The following ECPAS variants were observed in gnomAD, a reference collection of about 807,000 sequenced individuals.
ECPAS encodes the protein proteasome adapter and scaffold protein ECM29.
A neutral mutation model predicts 255.1 loss-of-function variants in ECPAS; 70 were observed. That is an observed-to-expected ratio of 0.27 (90% CI 0.23 to 0.33). ECPAS has a LOEUF of 0.33. Among genes scored for constraint, ECPAS ranks in the 10% least tolerant of loss-of-function variants. The pLI is 1.00. For missense variants in ECPAS, 1,817 were observed against 2,206.4 expected (o/e 0.82, Z 3.54); for synonymous variants, 784 against 775.0 (o/e 1.01, Z -0.19).
chr9:111,425,342 T>C (rs2098219954), intron 12 of ECPAS, 76 bp downstream of exon 12: 4 of 957,804 alleles, frequency 4.2e-6, no homozygotes, highest in Non-Finnish European at 6.0e-6. Flanking sequence ...ACTAACTACA[T>C]TGACAGACCA....
intron 2 of ECPAS, among the ~76,000 whole-genome samples, chr9:111,463,302 C>CTG (rs2098275440): frequency 6.6e-6 from 1 of 152,184 alleles, no homozygotes; most frequent in Admixed American, 6.5e-5. Flanking sequence ...ATGTCTCTCA[C>CTG]TGTGTCCCCA....
intron 7 of ECPAS, 109 bp from the exon 8 acceptor site, chr9:111,433,481 A>G: frequency 9.1e-7 from 1 of 1,097,744 alleles, no homozygotes; most frequent in Non-Finnish European, 1.3e-6. Context: ...ATGAGCAGTA[A>G]CAACAGTAGC....
At chr9:111,438,442 C>T (rs772715059) in intron 6 of ECPAS, among the ~76,000 whole-genome samples, 4 of 133,496 alleles carry the variant, frequency 3.0e-5, no homozygotes, top group South Asian at 2.6e-4. Flanking sequence ...CCTATCTCTA[C>T]AAAAAATACA....
Position 111,484,227 on chromosome 9 carries a change from C to A in ECPAS, c.-194G>T. ...GCCCCGGGGAGCCGCGCGCCGCAGT[C>A]CGTGAGGGGCTGGGCCGAGCGGGCC... On this transcript the variant is annotated 5_prime_UTR_variant, in exon 1 of 50. Coordinates refer to ENST00000684092, the MANE Select transcript of ECPAS (RefSeq NM_001364929.1). 3 of 1,467,918 alleles carry A rather than the reference C, an allele frequency of 2.0e-6. No homozygotes were observed. Among genetic ancestry groups the A allele is most frequent in the Non-Finnish European group, 2.7e-6 (3 of 1,115,134 alleles). The allele number at this position is 1,467,918 out of a possible 1,614,324, so 90.9% of individuals were successfully genotyped here. A position where few individuals can be genotyped will look rare whatever the true frequency, so the allele number is the denominator to read the frequency against.
intron 2 of ECPAS, among the ~76,000 whole-genome samples, chr9:111,452,420 ATACTT>A (rs1402482041): frequency 6.6e-6 from 1 of 152,198 alleles, no homozygotes; most frequent in Non-Finnish European, 1.5e-5. Context: ...TGTATCTACT[ATACTT>A]CAATTTAAAA....
At chr9:111,436,856 G>T in intron 7 of ECPAS, 84 bp downstream of exon 7, 1 of 1,192,664 alleles carries the variant, frequency 8.4e-7, no homozygotes, top group Non-Finnish European at 1.2e-6. Flanking sequence ...GAATATACTA[G>T]AATTATGTTT....
rs570480549 is a variant in ECPAS at position 111,445,809 on chromosome 9, A to C, written c.154-1315T>G. Among the ~76,000 whole-genome samples the C allele has an allele frequency of 3.9e-3, 598 of 152,202 alleles. 6 individuals are homozygous for C. The highest frequency in any genetic ancestry group is 6.8e-3 in the Middle Eastern group (2 of 294). ...ATCATCTACATTAGGTATTTCTCCT[A>C]ATGGTATCCCTACCCCAGGCCCCAC... is the stretch of plus-strand genomic sequence containing the variant. On this transcript the variant is annotated intron_variant, in intron 3 of 49. Coordinates refer to ENST00000684092, the MANE Select transcript of ECPAS (RefSeq NM_001364929.1).
chr9:111,403,803 T>C (rs2098179836), intron 24 of ECPAS, among the ~76,000 whole-genome samples: 1 of 149,876 alleles, frequency 6.7e-6, no homozygotes, highest in Non-Finnish European at 1.5e-5. Flanking sequence ...TGCTATAGAA[T>C]ACACGTTTTC....
chr9:111,444,558 AT>A (rs2098250274), intron 3 of ECPAS, 64 bp from the exon 4 acceptor site: 2 of 1,103,928 alleles, frequency 1.8e-6, no homozygotes, highest in Non-Finnish European at 2.7e-6. Flanking sequence ...TCATCTTAAA[AT>A]TCATTTATCA....
chr9:111,382,745 T>C (rs1366954058), intron 35 of ECPAS, among the ~76,000 whole-genome samples: 1 of 152,228 alleles, frequency 6.6e-6, no homozygotes, highest in Non-Finnish European at 1.5e-5. Flanking sequence ...TAGACAGCAC[T>C]GTACTTTAAA....
intron 2 of ECPAS, among the ~76,000 whole-genome samples, chr9:111,464,127 G>A (rs994672129): frequency 4.6e-5 from 7 of 151,864 alleles, no homozygotes; most frequent in South Asian, 2.1e-4. Context: ...ATGTAACACC[G>A]TCCTAGAAAA....
At position 111,361,898 on chromosome 9, in the gene ECPAS, T is replaced by C; in HGVS notation, c.*132A>G. 1 of 1,104,016 alleles carries C rather than the reference T, an allele frequency of 9.1e-7. No homozygotes were observed. The highest frequency in any genetic ancestry group is 1.2e-6 in the Non-Finnish European group (1 of 804,374). The allele number at this position is 1,104,016 out of a possible 1,614,324, so 68.4% of individuals were successfully genotyped here. On this transcript the variant is annotated 3_prime_UTR_variant, in exon 50 of 50. Transcript: ENST00000684092. ...ATAAGGAACAAAATTTAAGGCTTTT[T>C]CTTTTTATTTCAGCCAAGGAATGAT...
Position 111,420,073 on chromosome 9 carries a change from C to T in ECPAS, c.1503G>A (p.Val501=), listed in dbSNP as rs16916080. The T allele has an allele frequency of 0.022, 36,006 of 1,612,584 alleles. 1,547 individuals are homozygous for T. Among genetic ancestry groups the T allele is most frequent in the African/African-American group, 0.15 (11,406 of 74,740 alleles). ...TGGAAGGGATATGATCTGAGGGAAA[C>T]ACCGTACTGGCAAATTTCACAGCCA... ...RQVAVKFAST[V]FPSDHIPSRY... Residue 501 remains valine, a synonymous_variant, in exon 16 of 50, where the codon GTG becomes GTA. Transcript: ENST00000684092.
intron 26 of ECPAS, 55 bp downstream of exon 26, chr9:111,394,105 G>C (rs934141525): frequency 6.7e-6 from 10 of 1,494,322 alleles, no homozygotes; most frequent in Non-Finnish European, 8.9e-6. Context: ...TGCTTTCCTT[G>C]CTACTTATAA....
In ECPAS at chr9:111,362,078, C is replaced by T; in HGVS notation, c.5472G>A (p.Leu1824=). ...ATMEPDSRPE[L]QEKAALLKKT... ...TCTTCAGTAACGCTGCTTTCTCCTG[C>T]AGTTCAGGTCTGCTGTCTGGCTCCA... is the stretch of plus-strand genomic sequence containing the variant. Residue 1824 remains leucine, a synonymous_variant, in exon 50 of 50, where the codon CTG becomes CTA. Transcript: ENST00000684092. 1.2e-6 allele frequency: 2 copies of T among 1,611,868 alleles called. No individual in the cohort carries two copies. The highest frequency in any genetic ancestry group is 8.5e-7 in the Non-Finnish European group (1 of 1,179,032).
intron 31 of ECPAS, among the ~76,000 whole-genome samples, 177 bp from the exon 32 acceptor site, chr9:111,386,633 A>G (rs1212082614): frequency 6.6e-6 from 1 of 152,172 alleles, no homozygotes; most frequent in African/African-American, 2.4e-5. Context: ...TTTGGTCACT[A>G]TAAAGCTGCC....
intron 26 of ECPAS, among the ~76,000 whole-genome samples, chr9:111,393,956 A>T (rs753554001): frequency 6.6e-5 from 10 of 152,216 alleles, no homozygotes; most frequent in Non-Finnish European, 1.5e-4. Flanking sequence ...GAGCCTTCCT[A>T]TCTCAAGCAC....
At chr9:111,468,421 TGGA>T (rs1212356914) in intron 2 of ECPAS, among the ~76,000 whole-genome samples, 1 of 152,042 alleles carries the variant, frequency 6.6e-6, no homozygotes, top group South Asian at 2.1e-4. Flanking sequence ...AGAAAGTAGG[TGGA>T]GAAGATACTA....
intron 41 of ECPAS, 141 bp from the exon 42 acceptor site, chr9:111,372,761 G>A (rs1248278076): frequency 1.4e-5 from 10 of 729,328 alleles, no homozygotes; most frequent in Non-Finnish European, 2.0e-5. Flanking sequence ...CTGGGTTGTG[G>A]TGGCTTACAC....
Sources: allele counts gnomAD v4.1 joint callset (sites outside exome capture counted in the v4.1 genomes callset), GRCh38; gene constraint gnomAD v4.1.1; transcripts MANE v1.5; gene names NCBI Gene and HGNC (gene_info 2026-07-23, HGNC 2026-07-21).